Variants in EPB41 observed in about 807,000 individuals in gnomAD.
The protein encoded by EPB41 is erythrocyte membrane protein band 4.1, also known as protein 4.1.
EPB41 carries 65 observed loss-of-function variants against 108.0 expected under a neutral mutation model. The observed-to-expected ratio is 0.60, with a 90% confidence interval of 0.49 to 0.74. The LOEUF (loss-of-function observed/expected upper bound fraction) is 0.74. Ranked by LOEUF, EPB41 falls within the 30% of genes least tolerant of loss-of-function variation. The pLI is 0.00. For missense variants in EPB41, 875 were observed against 1,037.0 expected (o/e 0.84, Z 2.15); for synonymous variants, 336 against 358.9 (o/e 0.94, Z 0.72).
chr1:28,984,429 A>G (rs2095827493), intron 1 of EPB41, among the ~76,000 whole-genome samples: 1 of 152,194 alleles, frequency 6.6e-6, no homozygotes. Context: ...TAAAGTTGAA[A>G]CAAGAATGTA....
intron 16 of EPB41, among the ~76,000 whole-genome samples, chr1:29,085,726 AT>A (rs1658593649): frequency 6.6e-6 from 1 of 151,826 alleles, no homozygotes; most frequent in South Asian, 2.1e-4. Context: ...AATTTTTTGT[AT>A]TTTTGGTAGA....
At chr1:28,975,083 G>A (rs866959009) in intron 1 of EPB41, among the ~76,000 whole-genome samples, 4 of 151,408 alleles carry the variant, frequency 2.6e-5, no homozygotes, top group South Asian at 2.1e-4. Context: ...ATGAGCCACC[G>A]TGCCTGGCCA....
chr1:29,103,579 T>C (rs993389021), intron 17 of EPB41, among the ~76,000 whole-genome samples: 2 of 152,246 alleles, frequency 1.3e-5, no homozygotes, highest in African/African-American at 4.8e-5. Context: ...TATTATTATA[T>C]TGCGTTGTTA....
At chr1:28,907,319 G>A (rs1052427361) in intron 1 of EPB41, among the ~76,000 whole-genome samples, 2 of 143,678 alleles carry the variant, frequency 1.4e-5, no homozygotes, top group Non-Finnish European at 1.5e-5. Flanking sequence ...CACCTGCCTC[G>A]GCCTCCCAAA....
rs774220882 is a variant in EPB41, at chr1:29,033,112, T to C, written c.1232T>C (p.Ile411Thr). ...TTTCAGGACTTGGAAGGAGTAGATA[T>C]CATCCTAGGTGTCTGCTCTAGTGGC... ...HKAKDLEGVDIILGVCSSGLL... is the reference protein window; with the variant it reads ...HKAKDLEGVDTILGVCSSGLL... The change falls in exon 9 of 21, where the codon ATC (isoleucine) becomes ACC (threonine). Residue 411 changes from isoleucine (I) to threonine (T), a missense_variant. By Grantham distance (89) the Ile-to-Thr change is moderately conservative. Transcript: ENST00000343067. The C allele has an allele frequency of 1.9e-6, 3 of 1,613,918 alleles. No individual in the cohort carries two copies. Among genetic ancestry groups the C allele is most frequent in the Non-Finnish European group, 2.5e-6 (3 of 1,179,918 alleles).
chr1:28,920,559 G>C (rs1295236500), intron 1 of EPB41, among the ~76,000 whole-genome samples: 3 of 152,160 alleles, frequency 2.0e-5, no homozygotes. Flanking sequence ...TCATAAAAAA[G>C]TTATGATAGA....
intron 17 of EPB41, among the ~76,000 whole-genome samples, chr1:29,101,979 C>T (rs932553490): frequency 2.0e-5 from 3 of 152,126 alleles, no homozygotes; most frequent in African/African-American, 7.2e-5. Flanking sequence ...TTGTAAAGAA[C>T]TGAAGTGTCT....
rs189277114 is a variant in EPB41 at position 29,003,560 on chromosome 1, T to C, written c.786+6241T>C. Among the ~76,000 whole-genome samples, 22 of 152,356 alleles carry C rather than the reference T, an allele frequency of 1.4e-4. No homozygotes were observed. The East Asian group carries it at 4.0e-3, about 28-fold the overall frequency. On this transcript the variant is annotated intron_variant, in intron 4 of 20. Transcript: ENST00000343067. ...ATGAGAGACAACTGTTTTCTGTTCT[T>C]TCCATTCTCTGGTGTCTTCTTTTTG...
At chr1:28,914,246 C>T (rs574207758), upstream of EPB41, among the ~76,000 whole-genome samples, 1 of 152,366 alleles carries the variant, frequency 6.6e-6, no homozygotes, top group Non-Finnish European at 1.5e-5. Context: ...CTCTAGCTGC[C>T]TCATGCCCCA....
chr1:29,026,395 T>C (rs2096719709), intron 7 of EPB41, among the ~76,000 whole-genome samples: 1 of 152,082 alleles, frequency 6.6e-6, no homozygotes, highest in South Asian at 2.1e-4. Context: ...TATAGAAATA[T>C]AGATGTAAAA....
intron 1 of EPB41, among the ~76,000 whole-genome samples, chr1:28,934,501 T>A (rs529707299): frequency 1.3e-5 from 2 of 152,312 alleles, no homozygotes; most frequent in South Asian, 4.1e-4. Context: ...ACTTTATTTT[T>A]CCTCATCTGT....
chr1:29,113,242 A>G (rs951785223), intron 19 of EPB41, among the ~76,000 whole-genome samples: 6 of 152,226 alleles, frequency 3.9e-5, no homozygotes, highest in African/African-American at 1.4e-4. Flanking sequence ...GTAAAGCTGC[A>G]GAGAAGAGGG....
rs569633298 is a variant in EPB41, at chr1:29,115,613, C to G, written c.2497-86C>G. 6.7e-5 allele frequency: 78 copies of G among 1,160,022 alleles called. No homozygotes were observed. In the Admixed American group the frequency reaches 1.4e-3, roughly 21 times the overall value. 71.9% of individuals were successfully genotyped at this position (1,160,022 alleles called of 1,614,324 possible). ...CTGCAGACAGGAGTATTGGATCTGT[C>G]AGAACATCAGAGAAATGATGACCAC... On this transcript the variant is annotated intron_variant, in intron 19 of 20. Transcript: ENST00000343067. The surrounding 1 kb of genome is among the most constrained non-coding windows in gnomAD (Gnocchi z 4.4).
intron 1 of EPB41, chr1:28,893,275 T>G (rs2090323448): frequency 1.3e-5 from 2 of 152,230 alleles, no homozygotes; most frequent in Admixed American, 6.5e-5. Flanking sequence ...TTCCCCATGT[T>G]GCCTAGGCTG....
rs1306452271 is a variant in EPB41 at position 29,119,189 on chromosome 1, C to G, written c.*2377C>G. 2 of 152,602 alleles carry G rather than the reference C, an allele frequency of 1.3e-5. No homozygotes were observed. The highest frequency in any genetic ancestry group is 2.9e-5 in the Non-Finnish European group (2 of 68,028). 9.5% of individuals were successfully genotyped at this position (152,602 alleles called of 1,614,324 possible). ...TTAGAAGCCATAGATTTGGACAAGC[C>G]CAGCAAGATGGGTGTCCTTCCAGGC... is the stretch of plus-strand genomic sequence containing the variant. On this transcript the variant is annotated 3_prime_UTR_variant, in exon 21 of 21. Coordinates refer to ENST00000343067, the MANE Select transcript of EPB41 (RefSeq NM_001376013.1).
rs1304784264 is a variant in EPB41, at chr1:29,039,299, A to G, written c.1509A>G (p.Leu503=). The G allele has an allele frequency of 5.6e-6, 9 of 1,613,622 alleles. No homozygotes were observed. Among genetic ancestry groups the G allele is most frequent in the East Asian group, 4.5e-5 (2 of 44,882 alleles). Residue 503 remains leucine (L), a synonymous_variant, in exon 11 of 21, where the codon CTA becomes CTG. Transcript: ENST00000343067. ...DTIPKSKFLA[L]GSKFRYSGRT... Reference sequence around the variant, plus strand: ...TTCCCAAAAGCAAATTTCTTGCGCTAGGATCCAAATTTCGATACAGTGGCC... The same window carrying G: ...TTCCCAAAAGCAAATTTCTTGCGCTGGGATCCAAATTTCGATACAGTGGCC...
intron 11 of EPB41, chr1:29,041,585 A>G (rs978837154): frequency 6.6e-6 from 1 of 152,180 alleles, no homozygotes; most frequent in African/African-American, 2.4e-5. Flanking sequence ...TATGCTATCT[A>G]CTGTAAAAGC....
At chr1:28,898,903 T>C (rs1385138056) in intron 1 of EPB41, among the ~76,000 whole-genome samples, 1 of 151,610 alleles carries the variant, frequency 6.6e-6, no homozygotes, top group African/African-American at 2.4e-5. Context: ...CCTCTGGGAG[T>C]GGATAAGGAA....
chr1:29,018,572 G>T lies in EPB41; in HGVS notation c.1124+130G>T. 1.0e-6 allele frequency: 1 copy of T among 957,900 alleles called. No individual in the cohort carries two copies. Among genetic ancestry groups the T allele is most frequent in the Non-Finnish European group, 1.7e-6 (1 of 605,152 alleles). 59.3% of individuals were successfully genotyped at this position (957,900 alleles called of 1,614,324 possible). A position where few individuals can be genotyped will look rare whatever the true frequency, so the allele number is the denominator to read the frequency against. ...AAAGAGTCAGTTTCCTCCACTGTTT[G>T]ACTTTGGGCAGGTTACTTAACCTCT... On this transcript the variant is annotated intron_variant, in intron 7 of 20. Transcript: ENST00000343067. The surrounding 1 kb of genome is among the most constrained non-coding windows in gnomAD (Gnocchi z 4.4).
Sources: allele counts gnomAD v4.1 joint callset (sites outside exome capture counted in the v4.1 genomes callset), GRCh38; gene constraint gnomAD v4.1.1; non-coding constraint Gnocchi (gnomAD v3.1); transcripts MANE v1.5; gene names NCBI Gene and HGNC (gene_info 2026-07-23, HGNC 2026-07-21).